The following DHRSX variants were observed in gnomAD, a reference collection of about 807,000 sequenced individuals.
DHRSX encodes the protein polyprenol dehydrogenase.
Under a neutral mutation model 34.0 loss-of-function variants are expected in DHRSX, and 31 were observed. The observed-to-expected ratio is 0.91, with a 90% CI of 0.69 to 1.23. DHRSX has a LOEUF of 1.23. DHRSX is among the 50% of genes most tolerant of loss of function. The probability of loss-of-function intolerance (pLI) is 0.00; values close to 1 mark genes in which losing one functional copy is unlikely to be tolerated. For missense variants in DHRSX, 414 were observed against 428.1 expected (o/e 0.97, Z 0.29); for synonymous variants, 201 against 183.8 (o/e 1.09, Z -0.76).
intron 6 of DHRSX, among the ~76,000 whole-genome samples, chrX:2,224,866 G>A (rs1277638759): frequency 4.7e-5 from 7 of 148,632 alleles, no homozygotes; most frequent in East Asian, 2.0e-4. Context: ...AAATTCGCAT[G>A]CACACAGCTC....
At chrX:2,493,488 T>G (rs998369620) in intron 1 of DHRSX, among the ~76,000 whole-genome samples, 1 of 151,576 alleles carries the variant, frequency 6.6e-6, no homozygotes, top group Non-Finnish European at 1.5e-5. Flanking sequence ...ATTATTATTA[T>G]GTGGCTGAAA....
chrX:2,454,532 A>C (rs2044269850), intron 1 of DHRSX, among the ~76,000 whole-genome samples: 3 of 151,742 alleles, frequency 2.0e-5, no homozygotes, highest in Admixed American at 2.0e-4. Context: ...CGTCTCAAAA[A>C]AAAAAAAAGA....
intron 3 of DHRSX, among the ~76,000 whole-genome samples, chrX:2,397,244 C>T (rs1157836733): frequency 6.6e-6 from 1 of 152,146 alleles, no homozygotes; most frequent in Non-Finnish European, 1.5e-5. Flanking sequence ...AAGCGATCCT[C>T]CTGCCTCTGC....
At chrX:2,406,179 C>A (rs953013959) in intron 3 of DHRSX, among the ~76,000 whole-genome samples, 1 of 151,838 alleles carries the variant, frequency 6.6e-6, no homozygotes, top group African/African-American at 2.4e-5. Flanking sequence ...GTAATCTCAG[C>A]TACTCAGGAG....
intron 6 of DHRSX, among the ~76,000 whole-genome samples, chrX:2,231,876 CAACTTCT>C (rs2015895836): frequency 6.7e-6 from 1 of 148,914 alleles, no homozygotes. Flanking sequence ...CCATCTTCTC[CAACTTCT>C]TCCTCCTCCT....
In DHRSX at chrX:2,479,741, T is replaced by G. The variant is rs2044740930; in HGVS notation, c.109+21076A>C. 2.0e-5 allele frequency among the ~76,000 whole-genome samples: 3 copies of G among 151,974 alleles called. No individual in the cohort carries two copies. In the South Asian group the frequency reaches 6.2e-4, roughly 32 times the overall value. On this transcript the variant is annotated intron_variant, in intron 1 of 6. Coordinates refer to ENST00000334651, the MANE Select transcript of DHRSX (RefSeq NM_145177.3). ...CAAGGGACCGCCACAGTGTACACAC[T>G]GAAGACGTTCTCTAAGAATGTGGCC...
chrX:2,301,216 C>T (rs1460070268), intron 3 of DHRSX, among the ~76,000 whole-genome samples: 1 of 152,176 alleles, frequency 6.6e-6, no homozygotes, highest in Non-Finnish European at 1.5e-5. Context: ...AATTCGAGAC[C>T]AGCCTGGCCA....
At chrX:2,488,605 G>C (rs2045013654) in intron 1 of DHRSX, 1 of 1,556,042 alleles carries the variant, frequency 6.4e-7, no homozygotes, top group Non-Finnish European at 8.7e-7. Context: ...GCTGCTGCGG[G>C]GATGACTTGT....
Position 2,315,026 on chromosome X carries a change from C to T in DHRSX, c.287-23423G>A, listed in dbSNP as rs375167094. On this transcript the variant is annotated intron_variant, in intron 3 of 6. Transcript: ENST00000334651. ...GTACAAAACTAGCCAGGCGTGGTGGCGCATGCCTGTAATCCCAGCCACTCA... is the reference window on the plus strand; with the variant it reads ...GTACAAAACTAGCCAGGCGTGGTGGTGCATGCCTGTAATCCCAGCCACTCA... 5.9e-5 allele frequency among the ~76,000 whole-genome samples: 9 copies of T among 152,182 alleles called. 1 individual carries two copies. The highest frequency in any genetic ancestry group is 1.9e-4 in the African/African-American group (8 of 41,526).
chrX:2,462,160 A>G (rs1353387201), intron 1 of DHRSX, among the ~76,000 whole-genome samples: 2 of 151,248 alleles, frequency 1.3e-5, no homozygotes, highest in African/African-American at 2.4e-5. Flanking sequence ...CCCAGGACGA[A>G]TAAGTGGATT....
At chrX:2,385,633 A>T (rs894994849) in intron 3 of DHRSX, among the ~76,000 whole-genome samples, 1 of 152,160 alleles carries the variant, frequency 6.6e-6, no homozygotes, top group African/African-American at 2.4e-5. Context: ...TAATTAATGG[A>T]TGTTGAATTA....
In DHRSX at chrX:2,304,983, A is replaced by T. The variant is rs533629293; in HGVS notation, c.287-13380T>A. 9.5e-4 allele frequency among the ~76,000 whole-genome samples: 143 copies of T among 150,828 alleles called. 1 individual carries two copies. The highest frequency in any genetic ancestry group is 3.4e-3 in the African/African-American group (135 of 40,290). On this transcript the variant is annotated intron_variant, in intron 3 of 6. Transcript: ENST00000334651. ...ATGCCCAAGAATGATAGACTGGATT[A>T]AAAAAAATGGTACATATACACCGTG...
chrX:2,328,093 G>A (rs1192658687), intron 3 of DHRSX, among the ~76,000 whole-genome samples: 48 of 70,256 alleles, frequency 6.8e-4, no homozygotes, highest in Admixed American at 1.6e-3. Flanking sequence ...AAAAAAAAGA[G>A]GAGGAGATGA....
intron 1 of DHRSX, among the ~76,000 whole-genome samples, chrX:2,455,879 A>G (rs1293498816): frequency 2.1e-4 from 32 of 152,048 alleles, no homozygotes; most frequent in Non-Finnish European, 4.0e-4. Context: ...TTCCAGAGGC[A>G]GGACTTCACG....
chrX:2,449,604 T>TTCAGCC (rs1443776213), intron 1 of DHRSX, among the ~76,000 whole-genome samples: 6 of 152,034 alleles, frequency 3.9e-5, no homozygotes, highest in African/African-American at 1.5e-4. Flanking sequence ...CAGGCGATCC[T>TTCAGCC]TCAGCCTCAG....
chrX:2,490,212 T>A (rs781613291), intron 1 of DHRSX: 7 of 1,613,890 alleles, frequency 4.3e-6, no homozygotes, highest in Non-Finnish European at 2.5e-6. Flanking sequence ...ATGGCCTTGG[T>A]AGAGATGTAC....
chrX:2,371,547 C>CCA (rs1379319375), intron 3 of DHRSX, among the ~76,000 whole-genome samples: 2,340 of 82,988 alleles, frequency 0.028, 36 homozygotes, highest in Middle Eastern at 0.086. Context: ...GTCCGTCCTT[C>CCA]TGTTACCATA....
At chrX:2,385,598 G>A (rs1472315942) in intron 3 of DHRSX, among the ~76,000 whole-genome samples, 1 of 152,146 alleles carries the variant, frequency 6.6e-6, no homozygotes, top group Non-Finnish European at 1.5e-5. Context: ...CTGCTGTTAT[G>A]AGATTAATTC....
intron 3 of DHRSX, among the ~76,000 whole-genome samples, chrX:2,391,233 T>C (rs760936542): frequency 3.3e-5 from 5 of 152,330 alleles, no homozygotes; most frequent in East Asian, 1.9e-4. Flanking sequence ...TGCTGTTTTA[T>C]TGGGGACCCA....
Sources: allele counts gnomAD v4.1 joint callset (sites outside exome capture counted in the v4.1 genomes callset), GRCh38; gene constraint gnomAD v4.1.1; transcripts MANE v1.5; gene names NCBI Gene and HGNC (gene_info 2026-07-23, HGNC 2026-07-21).